Variants in CTNNA3 observed in about 807,000 individuals in gnomAD.
CTNNA3 encodes catenin alpha-3.
A neutral mutation model predicts 95.7 loss-of-function variants in CTNNA3; 76 were observed. The observed-to-expected ratio is 0.79, with a 90% CI of 0.66 to 0.96. The LOEUF (loss-of-function observed/expected upper bound fraction) is 0.96. CTNNA3 is among the 40% of genes least tolerant of loss of function. CTNNA3 has a pLI of 0.00. For synonymous variants in CTNNA3, 431 were observed against 374.4 expected, an observed-to-expected ratio of 1.15 and a Z score of -1.74; for missense variants, 1,191 against 1,089.8, an observed-to-expected ratio of 1.09 and a Z score of -1.31.
intron 11 of CTNNA3, among the ~76,000 whole-genome samples, chr10:66,489,490 G>A (rs1038922702): frequency 1.4e-4 from 21 of 151,980 alleles, no homozygotes; most frequent in Admixed American, 3.9e-4. Flanking sequence ...GAAATTTAAC[G>A]CTTAAAGAAT....
chr10:67,702,528 T>C (rs1217683538), intron 1 of CTNNA3, among the ~76,000 whole-genome samples: 1 of 152,176 alleles, frequency 6.6e-6, no homozygotes, highest in Non-Finnish European at 1.5e-5. Context: ...GAATGACTAC[T>C]GGGTACATAA....
intron 1 of CTNNA3, among the ~76,000 whole-genome samples, chr10:67,690,903 C>T (rs1004540333): frequency 6.6e-6 from 1 of 152,170 alleles, no homozygotes; most frequent in African/African-American, 2.4e-5. Context: ...CCCACGGTCT[C>T]CCTCTCCCTC....
chr10:67,178,672 G>A (rs1862359991), intron 7 of CTNNA3, among the ~76,000 whole-genome samples: 1 of 151,844 alleles, frequency 6.6e-6, no homozygotes. Context: ...TAGATAAATT[G>A]AACTTACAAT....
At chr10:67,306,463 T>C (rs1840556766) in intron 5 of CTNNA3, among the ~76,000 whole-genome samples, 1 of 152,138 alleles carries the variant, frequency 6.6e-6, no homozygotes, top group Non-Finnish European at 1.5e-5. Context: ...AACTCTCAGG[T>C]ACACACTGCC....
intron 14 of CTNNA3, among the ~76,000 whole-genome samples, chr10:66,072,949 T>C (rs1422759728): frequency 6.6e-6 from 1 of 152,106 alleles, no homozygotes; most frequent in African/African-American, 2.4e-5. Context: ...TATTCAGCCA[T>C]AAAAAAGAAT....
At chr10:66,202,021 A>T (rs1430068974) in intron 13 of CTNNA3, among the ~76,000 whole-genome samples, 1 of 152,038 alleles carries the variant, frequency 6.6e-6, no homozygotes, top group African/African-American at 2.4e-5. Flanking sequence ...TCCTGACCTC[A>T]GGTGATCCAG....
chr10:66,697,842 A>G (rs1470615274), intron 9 of CTNNA3, among the ~76,000 whole-genome samples: 1 of 152,178 alleles, frequency 6.6e-6, no homozygotes, highest in Non-Finnish European at 1.5e-5. Context: ...AAACTGTGCT[A>G]GCATATTATC....
chr10:67,446,501 A>G (rs1846753792), intron 5 of CTNNA3, among the ~76,000 whole-genome samples: 1 of 152,180 alleles, frequency 6.6e-6, no homozygotes, highest in Admixed American at 6.5e-5. Flanking sequence ...CTTATCATCT[A>G]TGTAAGGACA....
At chr10:66,660,727 GCTCAAA>G (rs1846232917) in intron 9 of CTNNA3, among the ~76,000 whole-genome samples, 3 of 151,954 alleles carry the variant, frequency 2.0e-5, no homozygotes, top group Non-Finnish European at 4.4e-5. Flanking sequence ...TCAGGTTTTT[GCTCAAA>G]CTCAGAGAAG....
At chr10:67,539,741 C>T in intron 3 of CTNNA3, 72 bp from the exon 4 acceptor site, 4 of 1,371,178 alleles carry the variant, frequency 2.9e-6, no homozygotes, top group Admixed American at 2.0e-5. Flanking sequence ...TATCAGCTAA[C>T]CTAATTCCAA....
At chr10:66,294,916 G>T (rs890440356) in intron 12 of CTNNA3, among the ~76,000 whole-genome samples, 2 of 149,186 alleles carry the variant, frequency 1.3e-5, no homozygotes, top group African/African-American at 4.9e-5. Flanking sequence ...GAGAGAGAGG[G>T]ATTTGGTAAA....
At chr10:67,166,437 T>C (rs922140332) in intron 7 of CTNNA3, among the ~76,000 whole-genome samples, 1 of 152,174 alleles carries the variant, frequency 6.6e-6, no homozygotes, top group Non-Finnish European at 1.5e-5. Context: ...AGATCTCTGT[T>C]ATAAGTGTTT....
At chr10:67,355,695 T>C (rs1842784906) in intron 5 of CTNNA3, among the ~76,000 whole-genome samples, 1 of 152,018 alleles carries the variant, frequency 6.6e-6, no homozygotes. Context: ...CAAGGTAGCT[T>C]TAAGTATATA....
At chr10:67,340,034 TA>T (rs1842125745) in intron 5 of CTNNA3, among the ~76,000 whole-genome samples, 1 of 152,182 alleles carries the variant, frequency 6.6e-6, no homozygotes, top group Non-Finnish European at 1.5e-5. Flanking sequence ...AAATGCCTAA[TA>T]AAATAATATT....
intron 9 of CTNNA3, among the ~76,000 whole-genome samples, chr10:66,668,740 C>T (rs146216516): frequency 0.014 from 2,136 of 151,802 alleles, 30 homozygotes; most frequent in Non-Finnish European, 0.023. Flanking sequence ...TAAACCTGGG[C>T]GGTGGAGGTT....
intron 2 of CTNNA3, among the ~76,000 whole-genome samples, chr10:67,627,085 A>G (rs1838982164): frequency 6.6e-6 from 1 of 152,176 alleles, no homozygotes; most frequent in African/African-American, 2.4e-5. Flanking sequence ...CTTGATTTGT[A>G]TATAAACTAA....
At chr10:67,222,699 TA>T (rs1176335049) in intron 5 of CTNNA3, among the ~76,000 whole-genome samples, 1 of 152,142 alleles carries the variant, frequency 6.6e-6, no homozygotes, top group Non-Finnish European at 1.5e-5. Flanking sequence ...GAGTAATAAT[TA>T]AAAGTATAAA....
At chr10:66,581,290 G>A (rs1437529318) in intron 10 of CTNNA3, among the ~76,000 whole-genome samples, 1 of 151,706 alleles carries the variant, frequency 6.6e-6, no homozygotes, top group East Asian at 1.9e-4. Flanking sequence ...TCAAATGGTA[G>A]ATCTACTTTT....
rs148449085 is a variant in CTNNA3, at chr10:67,272,179, T to C, written c.580-52309A>G. On this transcript the variant is annotated intron_variant, in intron 5 of 17. Coordinates refer to ENST00000433211, the MANE Select transcript of CTNNA3 (RefSeq NM_013266.4). ...CTATTCTATAATTCTGAAGTTGCCGTAATTTCTCAAGTTAAAATACCCTGT... is the reference window on the plus strand; with the variant it reads ...CTATTCTATAATTCTGAAGTTGCCGCAATTTCTCAAGTTAAAATACCCTGT... Among the ~76,000 whole-genome samples, 35 of 152,274 alleles carry C rather than the reference T, an allele frequency of 2.3e-4. 1 individual carries two copies. The highest frequency in any genetic ancestry group is 8.4e-4 in the African/African-American group (35 of 41,566).
Sources: allele counts gnomAD v4.1 joint callset (sites outside exome capture counted in the v4.1 genomes callset), GRCh38; gene constraint gnomAD v4.1.1; transcripts MANE v1.5; gene names NCBI Gene and HGNC (gene_info 2026-07-23, HGNC 2026-07-21).